WDR27: variants seen among roughly 807,000 people sequenced by gnomAD.
The protein encoded by WDR27 is WD repeat-containing protein 27.
Under a neutral mutation model 114.4 loss-of-function variants are expected in WDR27, and 100 were observed. The ratio of observed to expected loss-of-function variants is 0.87; its 90% CI spans 0.74 to 1.03. WDR27 has a LOEUF of 1.03. Among genes scored for constraint, WDR27 ranks in the 50% least tolerant of loss-of-function variants. The pLI is 0.00. For missense variants in WDR27, 1,129 were observed against 1,092.9 expected (o/e 1.03, Z -0.47); for synonymous variants, 449 against 423.1 (o/e 1.06, Z -0.75).
At chr6:169,654,572 G>C (rs1466849730) in intron 13 of WDR27, among the ~76,000 whole-genome samples, 2 of 152,230 alleles carry the variant, frequency 1.3e-5, no homozygotes, top group Non-Finnish European at 2.9e-5. Flanking sequence ...CCAAAGGCTG[G>C]TGAGACCCCA....
the WDR27 span, among the ~76,000 whole-genome samples, chr6:169,445,873 G>A: frequency 6.6e-6 from 1 of 152,232 alleles, no homozygotes; most frequent in Admixed American, 6.5e-5. Context: ...CCCGAGCCCT[G>A]ACTGAGTCTT....
At chr6:169,504,805 C>T (rs1411838134) in intron 25 of WDR27, among the ~76,000 whole-genome samples, 1 of 152,090 alleles carries the variant, frequency 6.6e-6, no homozygotes, top group African/African-American at 2.4e-5. Context: ...TGCTATGTTG[C>T]CCAGGCTGGT....
At chr6:169,631,099 A>C (rs1816241866) in intron 21 of WDR27, among the ~76,000 whole-genome samples, 1 of 152,206 alleles carries the variant, frequency 6.6e-6, no homozygotes, top group Non-Finnish European at 1.5e-5. Context: ...CAGAAAACAC[A>C]GAAACATGGA....
At chr6:169,665,896 C>T (rs1330924569) in intron 6 of WDR27, among the ~76,000 whole-genome samples, 4 of 152,190 alleles carry the variant, frequency 2.6e-5, no homozygotes, top group Non-Finnish European at 5.9e-5. Flanking sequence ...GCTTTATAGC[C>T]TAGAGGGAGG....
chr6:169,593,781 G>A (rs1042710633), intron 23 of WDR27, among the ~76,000 whole-genome samples: 2 of 152,074 alleles, frequency 1.3e-5, no homozygotes, highest in Non-Finnish European at 2.9e-5. Context: ...CCCGGGAGGC[G>A]GAGGTTACAG....
At chr6:169,469,448 T>C (rs376210165) in intron 25 of WDR27, among the ~76,000 whole-genome samples, 23 of 152,296 alleles carry the variant, frequency 1.5e-4, no homozygotes, top group African/African-American at 5.3e-4. Flanking sequence ...CCTCTCAGCT[T>C]CATGCCCTGC....
At chr6:169,698,701 C>T (rs1417679583) in intron 1 of WDR27, among the ~76,000 whole-genome samples, 1 of 152,186 alleles carries the variant, frequency 6.6e-6, no homozygotes, top group Non-Finnish European at 1.5e-5. Context: ...CTGGAAAGCA[C>T]ACCATGCATG....
chr6:169,433,056 G>T, the WDR27 span, among the ~76,000 whole-genome samples: 3 of 152,204 alleles, frequency 2.0e-5, no homozygotes, highest in African/African-American at 7.2e-5. Context: ...GAGTAAAGGT[G>T]ACTGTTGCTA....
At chr6:169,667,950 C>A in intron 5 of WDR27, 32 bp downstream of exon 5, 3 of 1,585,020 alleles carry the variant, frequency 1.9e-6, no homozygotes, top group Non-Finnish European at 1.7e-6. Context: ...GCACGTGCCA[C>A]GCGGGAACGC....
chr6:169,548,893 C>A (rs147888346), intron 25 of WDR27, among the ~76,000 whole-genome samples: 1 of 152,154 alleles, frequency 6.6e-6, no homozygotes, highest in Non-Finnish European at 1.5e-5. Context: ...ACCCTTCACA[C>A]AAAAGTTAAC....
intron 16 of WDR27, 38 bp from the exon 17 acceptor site, chr6:169,643,824 G>T: frequency 6.4e-7 from 1 of 1,551,344 alleles, no homozygotes; most frequent in Non-Finnish European, 8.8e-7. Flanking sequence ...TCTTAGAAAA[G>T]CCTAATTCAT....
chr6:169,624,217 C>A (rs148065604), intron 21 of WDR27, among the ~76,000 whole-genome samples: 1 of 145,038 alleles, frequency 6.9e-6, no homozygotes, highest in East Asian at 2.0e-4. Context: ...GGCAGGTGTT[C>A]CGTGTGCGCA....
intron 25 of WDR27, among the ~76,000 whole-genome samples, chr6:169,460,545 T>C (rs1449362769): frequency 1.3e-5 from 2 of 152,268 alleles, no homozygotes; most frequent in East Asian, 3.9e-4. Context: ...CTATCAGGTA[T>C]ATTGAAAACA....
intron 25 of WDR27, among the ~76,000 whole-genome samples, chr6:169,538,841 G>A (rs1376445076): frequency 1.3e-5 from 2 of 151,836 alleles, no homozygotes; most frequent in Non-Finnish European, 2.9e-5. Flanking sequence ...ATGACATTTT[G>A]TAATCATGAC....
At chr6:169,458,553 G>A (rs1251992324) in intron 25 of WDR27, among the ~76,000 whole-genome samples, 1 of 152,148 alleles carries the variant, frequency 6.6e-6, no homozygotes, top group Non-Finnish European at 1.5e-5. Context: ...TGACTGTGGA[G>A]TCCAAGGTGG....
At chr6:169,436,877 C>A in the WDR27 span, among the ~76,000 whole-genome samples, 1 of 151,898 alleles carries the variant, frequency 6.6e-6, no homozygotes, top group African/African-American at 2.4e-5. Context: ...CCATAAAAAT[C>A]ATTTTTAGAC....
At chr6:169,480,437 T>A (rs979368085) in intron 25 of WDR27, among the ~76,000 whole-genome samples, 1 of 152,222 alleles carries the variant, frequency 6.6e-6, no homozygotes, top group African/African-American at 2.4e-5. Flanking sequence ...GCGTGCAGCG[T>A]GGGACTGGTG....
At chr6:169,546,920 A>C (rs1404225131) in intron 25 of WDR27, among the ~76,000 whole-genome samples, 1 of 152,130 alleles carries the variant, frequency 6.6e-6, no homozygotes, top group Non-Finnish European at 1.5e-5. Context: ...ATGTTCTCAC[A>C]AGTGAAAGTG....
Position 169,611,937 on chromosome 6 carries a change from C to T in WDR27, c.2321+1622G>A, listed in dbSNP as rs574168082. Among the ~76,000 whole-genome samples the T allele has an allele frequency of 2.6e-5, 4 of 151,478 alleles. No individual in the cohort carries two copies. In the South Asian group the frequency reaches 8.4e-4, roughly 32 times the overall value. On this transcript the variant is annotated intron_variant, in intron 22 of 25. Transcript: ENST00000448612. ...ATCACTTGAGGTCAGGAGTTCGAGA[C>T]CAACCTAGCCAACATGGTGAAAATG...
Sources: allele counts gnomAD v4.1 joint callset (sites outside exome capture counted in the v4.1 genomes callset), GRCh38; gene constraint gnomAD v4.1.1; transcripts MANE v1.5; gene names NCBI Gene and HGNC (gene_info 2026-07-23, HGNC 2026-07-21).